The following GPC3 variants were observed in gnomAD, a reference collection of about 807,000 sequenced individuals.
GPC3 encodes glypican-3.
Under a neutral mutation model 34.4 loss-of-function variants are expected in GPC3, and 3 were observed. That is an observed-to-expected ratio of 0.09 (90% CI 0.04 to 0.23). GPC3 has a LOEUF of 0.23. GPC3 is among the 10% of genes least tolerant of loss of function. GPC3 has a pLI of 1.00. For synonymous variants in GPC3, 177 were observed against 174.0 expected, an observed-to-expected ratio of 1.02 and a Z score of -0.13; for missense variants, 351 against 445.6, an observed-to-expected ratio of 0.79 and a Z score of 1.91.
intron 1 of GPC3, among the ~76,000 whole-genome samples, chrX:133,956,656 T>C (rs1476309497): frequency 8.9e-6 from 1 of 112,414 alleles, no homozygotes; most frequent in Non-Finnish European, 1.9e-5. Flanking sequence ...TAAAATCCTT[T>C]GTGTTTCTAA....
At chrX:133,912,218 C>CA (rs1320242711) in intron 2 of GPC3, among the ~76,000 whole-genome samples, 3 of 112,347 alleles carry the variant, frequency 2.7e-5, no homozygotes, top group Non-Finnish European at 5.6e-5. Flanking sequence ...CTAGCTTCTA[C>CA]ACAGGAGGGG....
intron 7 of GPC3, among the ~76,000 whole-genome samples, chrX:133,595,188 G>C (rs1307590669): frequency 9.0e-6 from 1 of 111,692 alleles, no homozygotes; most frequent in Non-Finnish European, 1.9e-5. Context: ...TTAGGAAGAA[G>C]AACTAAGAAG....
intron 1 of GPC3, among the ~76,000 whole-genome samples, chrX:133,970,800 T>G (rs1407683375): frequency 1.8e-5 from 2 of 111,829 alleles, no homozygotes; most frequent in Non-Finnish European, 3.8e-5. Flanking sequence ...TTGTTAAATA[T>G]TTATACATAA....
In GPC3 at chrX:133,692,095, T is replaced by C. The variant is rs1421242827; in HGVS notation, c.1292+274A>G. On this transcript the variant is annotated intron_variant, in intron 5 of 7. Coordinates refer to ENST00000370818, the MANE Select transcript of GPC3 (RefSeq NM_004484.4). ...TCCCCAGTAGCTGGGACTACAGGCT[T>C]GCGCCATCATGCCTGGCTAACTTTT... Among the ~76,000 whole-genome samples the C allele has an allele frequency of 4.5e-5, 5 of 112,338 alleles. No individual in the cohort carries two copies. In the East Asian group the frequency reaches 1.4e-3, roughly 32 times the overall value.
chrX:133,685,426 A>C (rs1293884658), intron 5 of GPC3, among the ~76,000 whole-genome samples: 1 of 111,636 alleles, frequency 9.0e-6, no homozygotes, highest in Non-Finnish European at 1.9e-5. Flanking sequence ...AACGGACAAA[A>C]CTCTGAGAAT....
chrX:133,911,991 G>C (rs1200234161), intron 2 of GPC3, among the ~76,000 whole-genome samples: 1 of 112,017 alleles, frequency 8.9e-6, no homozygotes, highest in Non-Finnish European at 1.9e-5. Flanking sequence ...ATGGGCATTT[G>C]GGCCTTCCCT....
chrX:133,871,044 G>A (rs2075992097), intron 2 of GPC3, among the ~76,000 whole-genome samples: 1 of 111,572 alleles, frequency 9.0e-6, no homozygotes, highest in Admixed American at 9.5e-5. Flanking sequence ...GATGAGTTAT[G>A]TGGATAATTC....
intron 2 of GPC3, among the ~76,000 whole-genome samples, chrX:133,828,626 T>C (rs956851686): frequency 9.0e-6 from 1 of 111,266 alleles, no homozygotes; most frequent in Admixed American, 9.6e-5. Flanking sequence ...ATGTGGAATC[T>C]GAAAAGGTTG....
chrX:133,939,041 G>C (rs2076334008), intron 2 of GPC3, among the ~76,000 whole-genome samples: 1 of 111,067 alleles, frequency 9.0e-6, no homozygotes, highest in Non-Finnish European at 1.9e-5. Flanking sequence ...ACAGGATTTG[G>C]GTGCCTGAAT....
At chrX:133,722,462 T>C (rs919270348) in intron 3 of GPC3, among the ~76,000 whole-genome samples, 1 of 112,123 alleles carries the variant, frequency 8.9e-6, no homozygotes, top group African/African-American at 3.2e-5. Context: ...ATTTTCTCAC[T>C]GTCATTCAAT....
At chrX:133,725,047 A>G (rs1279958787) in intron 3 of GPC3, among the ~76,000 whole-genome samples, 1 of 111,752 alleles carries the variant, frequency 8.9e-6, no homozygotes, top group Non-Finnish European at 1.9e-5. Context: ...TGGGGTCCAG[A>G]ACAGATTTGA....
intron 2 of GPC3, among the ~76,000 whole-genome samples, chrX:133,862,604 C>T (rs1250345036): frequency 9.1e-6 from 1 of 109,481 alleles, no homozygotes; most frequent in African/African-American, 3.3e-5. Context: ...GTGGGAGAAT[C>T]GCTTGAACCT....
intron 3 of GPC3, among the ~76,000 whole-genome samples, chrX:133,727,062 C>T (rs375865487): frequency 8.9e-6 from 1 of 111,903 alleles, no homozygotes; most frequent in African/African-American, 3.3e-5. Flanking sequence ...GCCTCAGTTT[C>T]CTCATCTGTA....
chrX:133,860,436 C>T (rs1162485682), intron 2 of GPC3, among the ~76,000 whole-genome samples: 1 of 111,086 alleles, frequency 9.0e-6, no homozygotes, highest in Admixed American at 9.5e-5. Flanking sequence ...GAACAGCACT[C>T]GGGGAACACC....
At chrX:133,849,157 C>G (rs1360885914) in intron 2 of GPC3, among the ~76,000 whole-genome samples, 18 of 91,957 alleles carry the variant, frequency 2.0e-4, no homozygotes, top group Non-Finnish European at 4.1e-5. Flanking sequence ...TGCAGTGGCG[C>G]TACCTCGGCT....
intron 4 of GPC3, among the ~76,000 whole-genome samples, chrX:133,699,194 A>G (rs1234538716): frequency 8.9e-6 from 1 of 111,751 alleles, no homozygotes; most frequent in African/African-American, 3.3e-5. Flanking sequence ...TCCCCCCTCA[A>G]GGTCAATAGG....
intron 7 of GPC3, among the ~76,000 whole-genome samples, chrX:133,572,673 G>A (rs998892597): frequency 9.0e-6 from 1 of 111,679 alleles, no homozygotes; most frequent in African/African-American, 3.2e-5. Flanking sequence ...AGGATTATAA[G>A]GGAATATTAT....
intron 2 of GPC3, among the ~76,000 whole-genome samples, chrX:133,902,194 A>G: frequency 8.9e-6 from 1 of 112,852 alleles, no homozygotes; most frequent in Non-Finnish European, 1.9e-5. Flanking sequence ...ACTTCAAATA[A>G]GCTTTTCTGA....
intron 3 of GPC3, among the ~76,000 whole-genome samples, chrX:133,709,707 G>T (rs750529107): frequency 8.9e-5 from 10 of 111,918 alleles, no homozygotes; most frequent in Non-Finnish European, 1.3e-4. Flanking sequence ...TGATTGCACT[G>T]CTTCCACAAA....
Sources: gnomAD v4.1 joint callset for allele counts (sites outside exome capture counted in the v4.1 genomes callset) on GRCh38, gnomAD v4.1.1 for gene constraint, MANE v1.5 for transcripts, NCBI Gene and HGNC (gene_info 2026-07-23, HGNC 2026-07-21) for gene names.